The following ZNF18 variants were observed in gnomAD, a reference collection of about 807,000 sequenced individuals.
ZNF18 encodes the protein heart development-specific gene 1 protein.
A neutral mutation model predicts 58.1 loss-of-function variants in ZNF18; 42 were observed. The ratio of observed to expected loss-of-function variants is 0.72; its 90% CI spans 0.56 to 0.93. ZNF18 has a LOEUF of 0.93. Ranked by LOEUF, ZNF18 falls within the 40% of genes least tolerant of loss-of-function variation. ZNF18 has a pLI of 0.00. For synonymous variants in ZNF18, 231 were observed against 239.8 expected, an observed-to-expected ratio of 0.96 and a Z score of 0.34; for missense variants, 540 against 644.2, an observed-to-expected ratio of 0.84 and a Z score of 1.75.
intron 6 of ZNF18, among the ~76,000 whole-genome samples, chr17:11,979,282 T>G (rs928267924): frequency 1.3e-5 from 2 of 152,258 alleles, no homozygotes; most frequent in Non-Finnish European, 2.9e-5. Context: ...TTTTCTGACA[T>G]AATTTGTGTC....
At chr17:12,019,294 A>ATGTGTGTGTGTGTG in the ZNF18 span, among the ~76,000 whole-genome samples, 1 of 145,348 alleles carries the variant, frequency 6.9e-6, no homozygotes. Context: ...ATAATATTGG[A>ATGTGTGTGTGTGTG]TGTGTGTGTG....
At chr17:11,980,617 C>A (rs1015172848) in intron 6 of ZNF18, among the ~76,000 whole-genome samples, 2 of 152,040 alleles carry the variant, frequency 1.3e-5, no homozygotes, top group Non-Finnish European at 2.9e-5. Context: ...TGGGGTTTCA[C>A]CATGTTAGCC....
chr17:11,997,402 G>A (rs1321528376), intron 1 of ZNF18, 29 bp downstream of exon 1: 1 of 152,216 alleles, frequency 6.6e-6, no homozygotes, highest in Non-Finnish European at 1.5e-5. Flanking sequence ...AGCGGCCGGA[G>A]GCCGGGACCG....
Position 11,978,459 on chromosome 17 carries a change from G to A in ZNF18, c.1148C>T (p.Ser383Phe). 4 of 1,578,764 alleles carry A rather than the reference G, an allele frequency of 2.5e-6. No homozygotes were observed. Among genetic ancestry groups the A allele is most frequent in the Non-Finnish European group, 2.6e-6 (3 of 1,163,836 alleles). The change falls in exon 7 of 7, where the codon TCC (serine) becomes TTC (phenylalanine). Residue 383 changes from serine to phenylalanine, a missense_variant. Transcript: ENST00000580306. ...TCTCTTCTCCTCAAGCCACATGGTGGACATTTCTCCTGAATGAGGATTAGG... is the reference window on the plus strand; with the variant it reads ...TCTCTTCTCCTCAAGCCACATGGTGAACATTTCTCCTGAATGAGGATTAGG... Reference protein sequence around the residue: ...HLPNPHSGEMSTMWLEEKRET... With the variant: ...HLPNPHSGEMFTMWLEEKRET...
the ZNF18 span, among the ~76,000 whole-genome samples, chr17:12,009,528 T>C: frequency 4.6e-5 from 7 of 151,498 alleles, no homozygotes; most frequent in Non-Finnish European, 7.4e-5. Flanking sequence ...TCTTGGCTCA[T>C]TGCAACCTCC....
the ZNF18 span, chr17:12,021,491 A>AG: frequency 6.6e-6 from 1 of 151,830 alleles, no homozygotes; most frequent in Non-Finnish European, 1.5e-5. Context: ...GGCCCCGCTC[A>AG]GGGCCATCTT....
chr17:11,992,400 G>T (rs201702997), intron 2 of ZNF18, 43 bp downstream of exon 2: 1 of 1,582,724 alleles, frequency 6.3e-7, no homozygotes, highest in Non-Finnish European at 8.6e-7. Context: ...GACCAGAGAG[G>T]AGCCCTGTGT....
the ZNF18 span, among the ~76,000 whole-genome samples, chr17:12,010,538 C>T: frequency 6.6e-6 from 1 of 152,038 alleles, no homozygotes; most frequent in Admixed American, 6.6e-5. Flanking sequence ...GCCTCAGCCT[C>T]CCAAGTAGCT....
At chr17:12,017,920 T>C in the ZNF18 span, among the ~76,000 whole-genome samples, 2 of 152,022 alleles carry the variant, frequency 1.3e-5, no homozygotes, top group African/African-American at 2.4e-5. Context: ...CATTGACATA[T>C]GTATCATAAA....
intron 2 of ZNF18, among the ~76,000 whole-genome samples, chr17:11,992,219 G>A (rs994801028): frequency 6.6e-6 from 1 of 152,206 alleles, no homozygotes; most frequent in African/African-American, 2.4e-5. Context: ...ACTGGCATCT[G>A]AGAACAGGAG....
At chr17:12,011,255 C>T in the ZNF18 span, 1 of 399,832 alleles carries the variant, frequency 2.5e-6, no homozygotes, top group South Asian at 4.0e-5. Context: ...TGGCGGTTCC[C>T]CTGAATCATA....
At chr17:11,979,526 T>G (rs1967204838) in intron 6 of ZNF18, among the ~76,000 whole-genome samples, 1 of 152,236 alleles carries the variant, frequency 6.6e-6, no homozygotes, top group Non-Finnish European at 1.5e-5. Flanking sequence ...CACTAGCAAC[T>G]GGAAGTTTGT....
chr17:11,979,771 C>G, intron 6 of ZNF18, among the ~76,000 whole-genome samples: 1 of 151,720 alleles, frequency 6.6e-6, no homozygotes, highest in East Asian at 1.9e-4. Flanking sequence ...TTAGAATGTC[C>G]CTGAATCTAA....
chr17:12,020,756 T>C, the ZNF18 span: 4 of 404,082 alleles, frequency 9.9e-6, no homozygotes, highest in Middle Eastern at 6.8e-4. Flanking sequence ...CGGGGGCGTG[T>C]CAGGAGGCGT....
chr17:11,994,840 C>CA (rs963524607), intron 1 of ZNF18, among the ~76,000 whole-genome samples: 20 of 142,254 alleles, frequency 1.4e-4, no homozygotes, highest in African/African-American at 3.1e-4. Context: ...GACTCCGTCT[C>CA]AAAAAAAAAA....
At chr17:11,983,437 G>A (rs1372862214) in intron 5 of ZNF18, 30 bp from the exon 6 acceptor site, 2 of 1,541,710 alleles carry the variant, frequency 1.3e-6, no homozygotes, top group Admixed American at 1.7e-5. Flanking sequence ...TGGTGGGCCT[G>A]GATGAATAGG....
chr17:11,984,535 AT>A (rs1967605543), intron 4 of ZNF18, among the ~76,000 whole-genome samples: 3 of 146,236 alleles, frequency 2.1e-5, no homozygotes, highest in African/African-American at 7.6e-5. Context: ...TTTTTTTTAG[AT>A]GGAATCTCAC....
chr17:12,011,552 A>G, the ZNF18 span, among the ~76,000 whole-genome samples: 1 of 151,698 alleles, frequency 6.6e-6, no homozygotes, highest in Non-Finnish European at 1.5e-5. Context: ...CACCCAGGTA[A>G]TTTTTGTGTT....
At chr17:11,999,449 A>G (rs1421522913), upstream of ZNF18, among the ~76,000 whole-genome samples, 1 of 152,234 alleles carries the variant, frequency 6.6e-6, no homozygotes, top group Non-Finnish European at 1.5e-5. Context: ...TTCTTTATAA[A>G]CTGGCACCTT....
Sources: gnomAD v4.1 joint callset for allele counts (sites outside exome capture counted in the v4.1 genomes callset) on GRCh38, gnomAD v4.1.1 for gene constraint, MANE v1.5 for transcripts, NCBI Gene and HGNC (gene_info 2026-07-23, HGNC 2026-07-21) for gene names.